THADA: variants seen among roughly 807,000 people sequenced by gnomAD.
The protein encoded by THADA is THADA armadillo repeat containing.
Under a neutral mutation model 219.8 loss-of-function variants are expected in THADA, and 213 were observed. The observed-to-expected ratio is 0.97, with a 90% CI of 0.87 to 1.09. The LOEUF (loss-of-function observed/expected upper bound fraction) is 1.09, where lower values mean the gene tolerates loss of function less well. THADA is among the 50% of genes least tolerant of loss of function. The probability of loss-of-function intolerance (pLI) is 0.00; values close to 1 mark genes in which losing one functional copy is unlikely to be tolerated. For synonymous variants in THADA, 1,018 were observed against 828.9 expected (o/e 1.23, Z -3.92); for missense variants, 2,956 against 2,311.3 (o/e 1.28, Z -5.72).
At chr2:43,531,902 A>G (rs1022317916) in intron 21 of THADA, among the ~76,000 whole-genome samples, 1 of 152,074 alleles carries the variant, frequency 6.6e-6, no homozygotes, top group African/African-American at 2.4e-5. Context: ...GGAAGAGACA[A>G]AAACTTCCTT....
intron 17 of THADA, among the ~76,000 whole-genome samples, chr2:43,555,576 G>T (rs1054583466): frequency 6.6e-6 from 1 of 152,028 alleles, no homozygotes; most frequent in Non-Finnish European, 1.5e-5. Context: ...TTGAAATCCA[G>T]CTATGAAGCA....
At chr2:43,469,659 T>C (rs1345300833) in intron 26 of THADA, among the ~76,000 whole-genome samples, 1 of 152,076 alleles carries the variant, frequency 6.6e-6, no homozygotes, top group African/African-American at 2.4e-5. Context: ...CTGCTGATCA[T>C]TTATCCCCTC....
Position 43,505,604 on chromosome 2 carries a change from G to C in THADA, c.3621+18C>G, listed in dbSNP as rs768080990. 8.1e-5 allele frequency: 122 copies of C among 1,512,460 alleles called. No homozygotes were observed. Among genetic ancestry groups the C allele is most frequent in the Non-Finnish European group, 1.0e-4 (112 of 1,102,972 alleles). 93.7% of individuals were successfully genotyped at this position (1,512,460 alleles called of 1,614,324 possible). On this transcript the variant is annotated intron_variant, in intron 24 of 37. Transcript: ENST00000405975. ...AACAAAAAACAACACTGGAGGGTTT[G>C]TGTATTTCCATGATTACCTGGGGGA...
chr2:43,498,694 T>TCCA, intron 25 of THADA, 139 bp downstream of exon 25: 1 of 961,698 alleles, frequency 1.0e-6, no homozygotes, highest in Non-Finnish European at 1.5e-6. Flanking sequence ...ATCAAAAATG[T>TCCA]AGCTTGATCC....
Position 43,434,326 on chromosome 2 carries a change from G to T in THADA, c.3837-4024C>A, listed in dbSNP as rs183655022. Among the ~76,000 whole-genome samples the T allele has an allele frequency of 3.1e-3, 471 of 152,364 alleles. 2 individuals carry two copies. Among genetic ancestry groups the T allele is most frequent in the African/African-American group, 0.011 (450 of 41,584 alleles). On this transcript the variant is annotated intron_variant, in intron 26 of 37. Transcript: ENST00000405975. ...TGATATGAGAAGAGGGCAGGGAAGT[G>T]CTGGGAGGAGAAGGGCTGGTTCCTG... is the stretch of plus-strand genomic sequence containing the variant.
intron 20 of THADA, among the ~76,000 whole-genome samples, chr2:43,544,012 G>GT (rs1695677322): frequency 2.0e-5 from 3 of 152,156 alleles, no homozygotes. Context: ...TAGGTCTAAA[G>GT]TTTAAGTCTT....
intron 29 of THADA, among the ~76,000 whole-genome samples, chr2:43,352,010 A>C (rs549729373): frequency 3.9e-5 from 6 of 152,234 alleles, no homozygotes; most frequent in Non-Finnish European, 7.3e-5. Context: ...CCTGCATATG[A>C]AGAATTTAAA....
intron 26 of THADA, among the ~76,000 whole-genome samples, chr2:43,484,941 A>T (rs868547351): frequency 1.5e-5 from 2 of 133,540 alleles, no homozygotes; most frequent in South Asian, 2.2e-4. Flanking sequence ...AGATGCAATT[A>T]AAAAAAAAAA....
intron 32 of THADA, 145 bp downstream of exon 32, chr2:43,292,689 G>A: frequency 1.0e-6 from 1 of 987,522 alleles, no homozygotes; most frequent in African/African-American, 1.6e-5. Flanking sequence ...TAAAAAGAGA[G>A]TCCTTATCCA....
At chr2:43,590,453 G>A (rs563899113) in intron 4 of THADA, among the ~76,000 whole-genome samples, 40 of 151,890 alleles carry the variant, frequency 2.6e-4, no homozygotes, top group African/African-American at 9.4e-4. Flanking sequence ...TGAGAAGGCG[G>A]ATCACAAGGT....
chr2:43,510,043 G>A (rs970355433), intron 22 of THADA, among the ~76,000 whole-genome samples: 2 of 152,030 alleles, frequency 1.3e-5, no homozygotes, highest in Non-Finnish European at 2.9e-5. Context: ...ATCTTGATTT[G>A]AACAATGAAA....
Position 43,231,278 on chromosome 2 carries a change from C to T in THADA, c.5532G>A (p.Val1844=), listed in dbSNP as rs1667383242. Residue 1844 remains valine, a synonymous_variant, in exon 38 of 38, where the codon GTG becomes GTA. Coordinates refer to ENST00000405975, the MANE Select transcript of THADA (RefSeq NM_022065.5). The part of the protein sequence containing the change: ...VNFWAETLIF[V]KYLCKHLFCL... ...AGAAGAGGTGCTTGCAGAGGTATTT[C>T]ACAAAGATCAGGGTCTCGGCCCAAA... is the stretch of plus-strand genomic sequence containing the variant. 1.9e-6 allele frequency: 3 copies of T among 1,605,140 alleles called. No individual in the cohort carries two copies. The highest frequency in any genetic ancestry group is 2.5e-6 in the Non-Finnish European group (3 of 1,176,806).
At chr2:43,334,328 G>A (rs912873876) in intron 30 of THADA, among the ~76,000 whole-genome samples, 10 of 152,048 alleles carry the variant, frequency 6.6e-5, no homozygotes, top group Admixed American at 5.9e-4. Context: ...GGGTGTGAAG[G>A]GCACTTACAG....
At chr2:43,567,911 T>C (rs1386987017) in intron 14 of THADA, among the ~76,000 whole-genome samples, 2 of 152,222 alleles carry the variant, frequency 1.3e-5, no homozygotes, top group East Asian at 1.9e-4. Context: ...TCACTTCCCA[T>C]TACTCAAGTC....
At chr2:43,455,087 A>G (rs1170274319) in intron 26 of THADA, among the ~76,000 whole-genome samples, 1 of 151,990 alleles carries the variant, frequency 6.6e-6, no homozygotes, top group Non-Finnish European at 1.5e-5. Context: ...TCCTTTCTGA[A>G]CTTCTGTAAG....
chr2:43,404,645 C>CA (rs1675318340), intron 28 of THADA, among the ~76,000 whole-genome samples: 1 of 152,160 alleles, frequency 6.6e-6, no homozygotes, highest in South Asian at 2.1e-4. Flanking sequence ...AGCTCTCAGG[C>CA]ATCATCATGT....
At chr2:43,567,799 G>A (rs556199653) in intron 14 of THADA, among the ~76,000 whole-genome samples, 6 of 152,200 alleles carry the variant, frequency 3.9e-5, no homozygotes, top group Non-Finnish European at 8.8e-5. Context: ...ACATAGTAAT[G>A]CTCAGTATAT....
chr2:43,594,442 G>A lies in THADA; in HGVS notation c.-25+1489C>T, dbSNP rs112627879. On this transcript the variant is annotated intron_variant, in intron 1 of 37. Transcript: ENST00000405975. Reference sequence around the variant, plus strand: ...TAACTAAAAATACAAAAATTAGCCGGGTGTGGTGGCAGGCGCCTATAACCC... The same window carrying A: ...TAACTAAAAATACAAAAATTAGCCGAGTGTGGTGGCAGGCGCCTATAACCC... 5.5e-3 allele frequency among the ~76,000 whole-genome samples: 833 copies of A among 152,064 alleles called. 3 individuals are homozygous for A. The highest frequency in any genetic ancestry group is 0.017 in the African/African-American group (715 of 41,472).
intron 36 of THADA, among the ~76,000 whole-genome samples, chr2:43,246,632 T>C (rs1669186186): frequency 6.6e-6 from 1 of 152,240 alleles, no homozygotes; most frequent in Non-Finnish European, 1.5e-5. Flanking sequence ...AATGACCAAA[T>C]CAAGGTATAA....
Sources: allele counts gnomAD v4.1 joint callset (sites outside exome capture counted in the v4.1 genomes callset), GRCh38; gene constraint gnomAD v4.1.1; transcripts MANE v1.5; gene names NCBI Gene and HGNC (gene_info 2026-07-23, HGNC 2026-07-21).